HSPA9: variants seen among roughly 807,000 people sequenced by gnomAD.
HSPA9 encodes the protein stress-70 protein, mitochondrial.
In HSPA9, 28 loss-of-function variants were observed where a neutral mutation model predicts 81.5. The observed-to-expected ratio is 0.34, with a 90% CI of 0.25 to 0.47. The LOEUF is 0.47. HSPA9 is among the 20% of genes least tolerant of loss of function. The pLI is 1.00. For missense variants in HSPA9, 678 were observed against 838.0 expected, an observed-to-expected ratio of 0.81 and a Z score of 2.36; for synonymous variants, 293 against 290.4, an observed-to-expected ratio of 1.01 and a Z score of -0.09.
At chr5:138,573,664 A>AGCC in intron 3 of HSPA9, 99 bp downstream of exon 3, 1 of 653,296 alleles carries the variant, frequency 1.5e-6, no homozygotes, top group Non-Finnish European at 2.6e-6. Context: ...AAAAAAAAAA[A>AGCC]AAAAGCGCAA....
chr5:138,566,610 AT>A lies in HSPA9; in HGVS notation c.972+15del. On this transcript the variant is annotated intron_variant, in intron 9 of 16. Coordinates refer to ENST00000297185, the MANE Select transcript of HSPA9 (RefSeq NM_004134.7). ...GAAAATATCCATCAAGACTGCTCGA[AT>A]TTTCCGTGTCTCACCTGCACAGATG... 1 of 1,581,224 alleles carries A rather than the reference AT, an allele frequency of 6.3e-7. No homozygotes were observed. Among genetic ancestry groups the A allele is most frequent in the Non-Finnish European group, 8.7e-7 (1 of 1,150,566 alleles).
At chr5:138,568,396 G>A (rs531272088) in intron 5 of HSPA9, among the ~76,000 whole-genome samples, 3 of 151,278 alleles carry the variant, frequency 2.0e-5, no homozygotes, top group South Asian at 2.1e-4. Flanking sequence ...AGCTACGTTG[G>A]GGGGGAGGGA....
At chr5:138,568,398 G>T (rs1187176379) in intron 5 of HSPA9, among the ~76,000 whole-genome samples, 1 of 151,290 alleles carries the variant, frequency 6.6e-6, no homozygotes, top group South Asian at 2.1e-4. Flanking sequence ...CTACGTTGGG[G>T]GGGAGGGAGA....
chr5:138,570,900 C>T (rs550770577), intron 4 of HSPA9, 60 bp downstream of exon 4: 1 of 1,401,388 alleles, frequency 7.1e-7, no homozygotes, highest in Admixed American at 1.7e-5. Flanking sequence ...CATGCTGAGG[C>T]TCTTCTGTGT....
intron 4 of HSPA9, 151 bp downstream of exon 4, chr5:138,570,809 C>A: frequency 1.3e-6 from 1 of 762,974 alleles, no homozygotes; most frequent in Non-Finnish European, 2.3e-6. Context: ...AAAGGGATTA[C>A]CCTTTTGGCA....
intron 9 of HSPA9, among the ~76,000 whole-genome samples, chr5:138,565,432 C>G (rs1245178608): frequency 2.6e-5 from 4 of 152,180 alleles, no homozygotes; most frequent in Non-Finnish European, 4.4e-5. Context: ...ACAGTGACAA[C>G]CATCATAAAT....
intron 13 of HSPA9, 78 bp downstream of exon 13, chr5:138,557,791 G>A (rs1006411646): frequency 2.3e-6 from 2 of 868,104 alleles, no homozygotes; most frequent in Admixed American, 1.7e-5. Context: ...GGGCAAAGAG[G>A]ACTCATCATT....
intron 4 of HSPA9, 44 bp from the exon 5 acceptor site, chr5:138,569,093 C>G: frequency 6.3e-7 from 1 of 1,596,418 alleles, no homozygotes; most frequent in East Asian, 2.2e-5. Flanking sequence ...ACCTGAACAA[C>G]TTACCATGAC....
intron 13 of HSPA9, 117 bp from the exon 14 acceptor site, chr5:138,557,613 G>A: frequency 2.6e-6 from 2 of 774,614 alleles, no homozygotes; most frequent in South Asian, 1.5e-5. Context: ...AAATTATGAA[G>A]AGGAGAAATA....
chr5:138,568,227 T>C lies in HSPA9; in HGVS notation c.536-505A>G, dbSNP rs550377041. Among the ~76,000 whole-genome samples the C allele has an allele frequency of 3.5e-3, 538 of 151,900 alleles. 5 individuals carry two copies. The highest frequency in any genetic ancestry group is 0.013 in the African/African-American group (524 of 41,440). On this transcript the variant is annotated intron_variant, in intron 5 of 16. Coordinates refer to ENST00000297185, the MANE Select transcript of HSPA9 (RefSeq NM_004134.7). ...CCCAAGATCGGCCGGCCAGGCACGG[T>C]GGCTCATGCCTGTAATCCCAGCACT... is the stretch of plus-strand genomic sequence containing the variant.
In HSPA9 at chr5:138,575,340, G is replaced by A. The variant is rs756686657; in HGVS notation, c.-22C>T. 2 of 1,600,172 alleles carry A rather than the reference G, an allele frequency of 1.2e-6. No individual in the cohort carries two copies. Among genetic ancestry groups the A allele is most frequent in the Non-Finnish European group, 1.7e-6 (2 of 1,169,466 alleles). ...TCATGGCGGATAAATGGAGGAGTAC[G>A]AGGCAGCAAACAAGCGCTCCGACGG... On this transcript the variant is annotated 5_prime_UTR_variant, in exon 1 of 17. Transcript: ENST00000297185.
rs1470736029 is a variant in HSPA9, at chr5:138,554,250, T to C, written c.*1787A>G. On this transcript the variant is annotated 3_prime_UTR_variant, in exon 17 of 17. Coordinates refer to ENST00000297185, the MANE Select transcript of HSPA9 (RefSeq NM_004134.7). Reference sequence around the variant, plus strand: ...ATTTTGCTTGGGCATTTGGCTCCTCTCTCTGATCCCAAGGATGAATCTTGA... The same window carrying C: ...ATTTTGCTTGGGCATTTGGCTCCTCCCTCTGATCCCAAGGATGAATCTTGA... 1.3e-5 allele frequency among the ~76,000 whole-genome samples: 2 copies of C among 152,208 alleles called. No homozygotes were observed. The highest frequency in any genetic ancestry group is 4.8e-5 in the African/African-American group (2 of 41,448).
Position 138,556,104 on chromosome 5 carries a change from T to A in HSPA9, c.1973A>T (p.Glu658Val), listed in dbSNP as rs746063903. ...GCCAGAACTTCCAGAGCCTTCTCGCTCAGATGCCATCTGTTAAGAAAACAT... is the reference window on the plus strand; with the variant it reads ...GCCAGAACTTCCAGAGCCTTCTCGCACAGATGCCATCTGTTAAGAAAACAT... ...FEMAYKKMASEREGSGSSGTG... is the reference protein window; with the variant it reads ...FEMAYKKMASVREGSGSSGTG... The change falls in exon 17 of 17, where the codon GAG becomes GTG. Residue 658 changes from glutamate to valine, a missense_variant. Glu to Val is a moderately radical substitution (Grantham distance 121). Around this residue, in one of 4 missense-constraint regions of HSPA9, gnomAD observed 100 missense variants for 99.5 expected, o/e 1.00. Transcript: ENST00000297185. The A allele has an allele frequency of 4.0e-5, 65 of 1,613,284 alleles. No homozygotes were observed. The highest frequency in any genetic ancestry group is 5.3e-5 in the African/African-American group (4 of 74,908).
At chr5:138,566,051 G>A (rs2127157873) in intron 9 of HSPA9, among the ~76,000 whole-genome samples, 1 of 152,188 alleles carries the variant, frequency 6.6e-6, no homozygotes, top group South Asian at 2.1e-4. Context: ...GCCAGGCATG[G>A]TGGTGCACAC....
At chr5:138,567,834 G>A in intron 5 of HSPA9, 112 bp from the exon 6 acceptor site, 3 of 802,082 alleles carry the variant, frequency 3.7e-6, no homozygotes, top group Non-Finnish European at 6.4e-6. Flanking sequence ...TCAGTCTTTT[G>A]GTAAGTGACC....
chr5:138,571,262 C>G, intron 3 of HSPA9, 121 bp from the exon 4 acceptor site: 1 of 938,850 alleles, frequency 1.1e-6, no homozygotes, highest in Non-Finnish European at 1.7e-6. Context: ...CTCACTGCAA[C>G]CTCCGCATCC....
chr5:138,574,324 T>C (rs1751031959), intron 1 of HSPA9, among the ~76,000 whole-genome samples, 198 bp from the exon 2 acceptor site: 2 of 152,322 alleles, frequency 1.3e-5, no homozygotes, highest in Admixed American at 6.5e-5. Flanking sequence ...TTCTCAACCG[T>C]GGCGCTATTA....
rs373578790 is a variant in HSPA9 at position 138,567,585 on chromosome 5, A to G, written c.610-24T>C. ...GCCTAGAGAAAACAAAGAGAAAAACATTTTTGTACCCTTCCATCCCAGGCA... is the reference window on the plus strand; with the variant it reads ...GCCTAGAGAAAACAAAGAGAAAAACGTTTTTGTACCCTTCCATCCCAGGCA... On this transcript the variant is annotated intron_variant, in intron 6 of 16. Transcript: ENST00000297185. The G allele has an allele frequency of 9.2e-5, 148 of 1,609,602 alleles. 1 individual carries two copies. The highest frequency in any genetic ancestry group is 4.9e-4 in the Middle Eastern group (3 of 6,078).
chr5:138,564,144 C>T (rs1750713418), intron 9 of HSPA9, among the ~76,000 whole-genome samples: 1 of 152,216 alleles, frequency 6.6e-6, no homozygotes, highest in East Asian at 1.9e-4. Context: ...CATTCAGTCA[C>T]CCAGACTGGA....
Sources: allele counts gnomAD v4.1 joint callset (sites outside exome capture counted in the v4.1 genomes callset), GRCh38; gene constraint gnomAD v4.1.1; regional missense constraint gnomAD v4.1.1; transcripts MANE v1.5; gene names NCBI Gene and HGNC (gene_info 2026-07-23, HGNC 2026-07-21).